The following PDE10A variants were observed in gnomAD, a reference collection of about 807,000 sequenced individuals.
PDE10A encodes the protein cAMP and cAMP-inhibited cGMP 3',5'-cyclic phosphodiesterase 10A.
In PDE10A, 39 loss-of-function variants were observed where a neutral mutation model predicts 97.7. The ratio of observed to expected loss-of-function variants is 0.40; its 90% CI spans 0.31 to 0.52. The LOEUF (loss-of-function observed/expected upper bound fraction) is 0.52. Among genes scored for constraint, PDE10A ranks in the 20% least tolerant of loss-of-function variants. The probability of loss-of-function intolerance (pLI) is 0.56; values close to 1 mark genes in which losing one functional copy is unlikely to be tolerated. For missense variants in PDE10A, 731 were observed against 1,047.8 expected, an observed-to-expected ratio of 0.70 and a Z score of 4.17; for synonymous variants, 371 against 376.8, an observed-to-expected ratio of 0.98 and a Z score of 0.18.
chr6:165,678,117 GTGTGTT>G (rs1338949384), intron 1 of PDE10A, among the ~76,000 whole-genome samples: 17 of 148,192 alleles, frequency 1.1e-4, no homozygotes, highest in African/African-American at 3.2e-4. Context: ...ATTTGTGTGG[GTGTGTT>G]TGTGTTTGTG....
chr6:165,383,017 G>A (rs769958369), intron 17 of PDE10A, among the ~76,000 whole-genome samples: 2 of 152,074 alleles, frequency 1.3e-5, no homozygotes, highest in Non-Finnish European at 2.9e-5. Flanking sequence ...AGACGAATTG[G>A]AAGAACTCTC....
intron 1 of PDE10A, among the ~76,000 whole-genome samples, chr6:165,570,953 G>A (rs1378616733): frequency 1.3e-5 from 2 of 152,176 alleles, no homozygotes; most frequent in African/African-American, 4.8e-5. Context: ...ACAAATGACA[G>A]TGAAAACACT....
intron 1 of PDE10A, among the ~76,000 whole-genome samples, chr6:165,981,485 C>G (rs1785013926): frequency 6.6e-6 from 1 of 152,130 alleles, no homozygotes; most frequent in African/African-American, 2.4e-5. Context: ...CTTTGTCTTT[C>G]AGATGTCGGT....
Position 165,659,097 on chromosome 6 carries a change from G to A in PDE10A, c.865+2850C>T, listed in dbSNP as rs547495664. The stretch of plus-strand genomic sequence containing the variant: ...CATGAGTGAGCGAACCAGCCGGTCA[G>A]TGTGAAGAGCCAAAACGCAGAGCTA... On this transcript the variant is annotated intron_variant, in intron 1 of 21. Transcript: ENST00000539869. Among the ~76,000 whole-genome samples, 10 of 152,314 alleles carry A rather than the reference G, an allele frequency of 6.6e-5. No homozygotes were observed. In the South Asian group the frequency reaches 2.1e-3, roughly 32 times the overall value.
chr6:165,659,849 C>A (rs1439869650), intron 1 of PDE10A, among the ~76,000 whole-genome samples: 2 of 152,206 alleles, frequency 1.3e-5, no homozygotes, highest in East Asian at 3.9e-4. Context: ...CTATCCAGAG[C>A]TGCGATCTTT....
chr6:165,733,330 T>C (rs1374787174), intron 1 of PDE10A, among the ~76,000 whole-genome samples: 1 of 152,234 alleles, frequency 6.6e-6, no homozygotes, highest in Admixed American at 6.5e-5. Context: ...CTACTTGTGC[T>C]GGGGCAAGGG....
chr6:165,378,577 T>C (rs1056978015), intron 18 of PDE10A, among the ~76,000 whole-genome samples: 14 of 152,158 alleles, frequency 9.2e-5, no homozygotes, highest in African/African-American at 3.1e-4. Flanking sequence ...AAGACACCCA[T>C]CCTCAAAAAC....
rs369489128 is a variant in PDE10A, at chr6:165,562,849, C to T, written c.866-19281G>A. Among the ~76,000 whole-genome samples the T allele has an allele frequency of 4.6e-5, 7 of 152,048 alleles. No homozygotes were observed. The East Asian group carries it at 1.4e-3, about 29-fold the overall frequency. On this transcript the variant is annotated intron_variant, in intron 1 of 21. Transcript: ENST00000539869. Reference sequence around the variant, plus strand: ...AGAGACATCTGGCAATGTCTGCTGACATTATGGGTTTTGGTTGTCATAAGA... The same window carrying T: ...AGAGACATCTGGCAATGTCTGCTGATATTATGGGTTTTGGTTGTCATAAGA...
chr6:165,657,115 G>GAA (rs1244937488), intron 1 of PDE10A, among the ~76,000 whole-genome samples: 1 of 152,202 alleles, frequency 6.6e-6, no homozygotes, highest in African/African-American at 2.4e-5. Flanking sequence ...CAGTCTCAGG[G>GAA]AAACAACCAA....
intron 1 of PDE10A, among the ~76,000 whole-genome samples, chr6:165,767,935 C>T (rs1165107608): frequency 6.6e-6 from 1 of 152,140 alleles, no homozygotes; most frequent in African/African-American, 2.4e-5. Context: ...TGCCAGCACA[C>T]CTTGTTGTCT....
chr6:165,441,440 C>T (rs149254174), intron 5 of PDE10A, among the ~76,000 whole-genome samples: 3 of 152,144 alleles, frequency 2.0e-5, no homozygotes, highest in Non-Finnish European at 4.4e-5. Context: ...GTTAAACAAA[C>T]AGCATTTATG....
rs754364983 is a variant in PDE10A at position 165,894,374 on chromosome 6, G to A, written c.-615+93155C>T. ...CTGAAACTACAGAAGGCCTCGACAG[G>A]CCAGAACACTTGGCTGAAACCACAA... On this transcript the variant is annotated intron_variant, in intron 1 of 19. Coordinates refer to the PDE10A transcript ENST00000366882. The A allele has an allele frequency of 6.6e-6, 3 of 456,084 alleles. No individual in the cohort carries two copies. In the East Asian group the frequency reaches 2.1e-4, roughly 32 times the overall value. 28.3% of individuals were successfully genotyped at this position (456,084 alleles called of 1,614,324 possible).
intron 2 of PDE10A, among the ~76,000 whole-genome samples, chr6:165,524,454 A>G (rs1782308482): frequency 6.6e-6 from 1 of 151,962 alleles, no homozygotes; most frequent in Admixed American, 6.6e-5. Context: ...TACATTTGAC[A>G]CTCCTGATTC....
At chr6:165,944,125 A>T (rs1448555764) in intron 1 of PDE10A, among the ~76,000 whole-genome samples, 2 of 152,234 alleles carry the variant, frequency 1.3e-5, no homozygotes, top group Non-Finnish European at 1.5e-5. Flanking sequence ...AGTGCTGAAC[A>T]AAAAGGGGGG....
chr6:165,349,088 A>G, intron 18 of PDE10A, among the ~76,000 whole-genome samples: 1 of 152,238 alleles, frequency 6.6e-6, no homozygotes, highest in East Asian at 1.9e-4. Flanking sequence ...ATAAAGATAC[A>G]TGAAACTGTG....
intron 1 of PDE10A, among the ~76,000 whole-genome samples, chr6:165,579,004 C>T (rs1298661581): frequency 6.6e-6 from 1 of 152,182 alleles, no homozygotes; most frequent in African/African-American, 2.4e-5. Flanking sequence ...AATCCACGAA[C>T]AGACAAGACG....
At chr6:165,771,654 T>TA (rs35902541) in intron 1 of PDE10A, among the ~76,000 whole-genome samples, 11,633 of 106,108 alleles carry the variant, frequency 0.11, 579 homozygotes, top group South Asian at 0.17. Context: ...TTTAACAAGA[T>TA]AAAAAAAAAA....
At chr6:165,927,682 TTTTG>T (rs57461359) in intron 1 of PDE10A, among the ~76,000 whole-genome samples, 24,669 of 88,868 alleles carry the variant, frequency 0.28, 3,030 homozygotes, top group African/African-American at 0.39. Flanking sequence ...ATATATAGTT[TTTTG>T]TTTGTTTGTT....
chr6:165,408,128 T>C (rs1583216873), intron 13 of PDE10A, among the ~76,000 whole-genome samples: 1 of 152,330 alleles, frequency 6.6e-6, no homozygotes. Flanking sequence ...GTACAAAACA[T>C]GCTTCTATTA....
Sources: gnomAD v4.1 joint callset for allele counts (sites outside exome capture counted in the v4.1 genomes callset) on GRCh38, gnomAD v4.1.1 for gene constraint, MANE v1.5 for transcripts, NCBI Gene and HGNC (gene_info 2026-07-23, HGNC 2026-07-21) for gene names.